The following CDKN2AIPNL variants were observed in gnomAD, a reference collection of about 807,000 sequenced individuals.
CDKN2AIPNL encodes XRN2 binding domain containing 1.
CDKN2AIPNL carries 9 observed loss-of-function variants against 12.9 expected under a neutral mutation model. The ratio of observed to expected loss-of-function variants is 0.70; its 90% CI spans 0.42 to 1.22. The LOEUF (loss-of-function observed/expected upper bound fraction) is 1.22. Among genes scored for constraint, CDKN2AIPNL ranks in the 50% most tolerant of loss-of-function variants. The pLI is 0.00. For synonymous variants in CDKN2AIPNL, 53 were observed against 61.7 expected, an observed-to-expected ratio of 0.86 and a Z score of 0.66; for missense variants, 143 against 153.6, an observed-to-expected ratio of 0.93 and a Z score of 0.37.
chr5:134,407,055 A>G (rs1759115836), intron 2 of CDKN2AIPNL, among the ~76,000 whole-genome samples: 1 of 152,210 alleles, frequency 6.6e-6, no homozygotes, highest in African/African-American at 2.4e-5. Flanking sequence ...GCCTCTATAT[A>G]GGCTTCTTCC....
chr5:134,407,135 ACTCTT>A (rs1488917372), intron 2 of CDKN2AIPNL, among the ~76,000 whole-genome samples: 1 of 151,900 alleles, frequency 6.6e-6, no homozygotes, highest in Non-Finnish European at 1.5e-5. Flanking sequence ...ATGCCTGAGG[ACTCTT>A]CTCTGTAGAC....
At chr5:134,405,401 A>C (rs1389788606) in intron 2 of CDKN2AIPNL, among the ~76,000 whole-genome samples, 1 of 150,664 alleles carries the variant, frequency 6.6e-6, no homozygotes, top group Non-Finnish European at 1.5e-5. Context: ...CACCGCGCCC[A>C]GCCCATTTTT....
chr5:134,409,348 TTC>T (rs1203763480), intron 2 of CDKN2AIPNL, among the ~76,000 whole-genome samples: 2 of 152,160 alleles, frequency 1.3e-5, no homozygotes, highest in African/African-American at 4.8e-5. Flanking sequence ...TATTCTGAGG[TTC>T]TTTCTGCCAC....
chr5:134,404,105 C>A (rs960890091), intron 2 of CDKN2AIPNL, among the ~76,000 whole-genome samples: 1 of 152,234 alleles, frequency 6.6e-6, no homozygotes, highest in African/African-American at 2.4e-5. Context: ...AAGCGTACAG[C>A]TGCCGCCGGT....
chr5:134,411,584 G>T, intron 1 of CDKN2AIPNL, 32 bp downstream of exon 1: 1 of 1,581,002 alleles, frequency 6.3e-7, no homozygotes, highest in Non-Finnish European at 8.7e-7. Flanking sequence ...GAAGATAGGG[G>T]ACAGGATCAG....
In CDKN2AIPNL at chr5:134,409,995, T is replaced by C; in HGVS notation, c.247A>G (p.Lys83Glu). 3 of 1,607,698 alleles carry C rather than the reference T, an allele frequency of 1.9e-6. No homozygotes were observed. Among genetic ancestry groups the C allele is most frequent in the Non-Finnish European group, 2.6e-6 (3 of 1,175,088 alleles). Reference protein sequence around the residue: ...NHLFLGCSYNKDLLDKVMEMA... With the variant: ...NHLFLGCSYNEDLLDKVMEMA... The stretch of plus-strand genomic sequence containing the variant: ...TCCATCACCTTGTCTAAAAGGTCTT[T>C]ATTGTAACTGCACAATAAAAAGTAG... Residue 83 changes from lysine to glutamate, a missense_variant, in exon 2 of 3, where the codon AAA becomes GAA. Coordinates refer to ENST00000458198, the MANE Select transcript of CDKN2AIPNL (RefSeq NM_080656.3).
chr5:134,405,295 C>T (rs1200005051), intron 2 of CDKN2AIPNL, among the ~76,000 whole-genome samples: 2 of 149,776 alleles, frequency 1.3e-5, no homozygotes, highest in African/African-American at 4.9e-5. Flanking sequence ...TTAGTAGAGA[C>T]GGGGTTTCAC....
In CDKN2AIPNL at chr5:134,409,567, G is replaced by C. The variant is rs117709175; in HGVS notation, c.339+336C>G. Among the ~76,000 whole-genome samples, 101 of 152,276 alleles carry C rather than the reference G, an allele frequency of 6.6e-4. No individual in the cohort carries two copies. The East Asian group carries it at 0.019, about 28-fold the overall frequency. ...GCACTCACACCTGGGGTAAGGATGA[G>C]TCTTACCAATGAGATTTTTTAACAA... is the stretch of plus-strand genomic sequence containing the variant. On this transcript the variant is annotated intron_variant, in intron 2 of 2. Transcript: ENST00000458198.
intron 2 of CDKN2AIPNL, among the ~76,000 whole-genome samples, chr5:134,404,750 C>T (rs2149696870): frequency 6.6e-6 from 1 of 152,232 alleles, no homozygotes; most frequent in South Asian, 2.1e-4. Context: ...TGCACAAAAG[C>T]AGGCACACTT....
chr5:134,410,835 T>G (rs1264561031), intron 1 of CDKN2AIPNL: 1 of 595,918 alleles, frequency 1.7e-6, no homozygotes, highest in Non-Finnish European at 3.0e-6. Context: ...TCAAACCAAG[T>G]CACCCTATTT....
Position 134,402,767 on chromosome 5 carries a change from A to G in CDKN2AIPNL, c.*148T>C. The G allele has an allele frequency of 3.4e-6, 2 of 595,668 alleles. No individual in the cohort carries two copies. The highest frequency in any genetic ancestry group is 2.9e-6 in the Non-Finnish European group (1 of 349,542). 36.9% of individuals were successfully genotyped at this position (595,668 alleles called of 1,614,324 possible). A position where few individuals can be genotyped will look rare whatever the true frequency, so the allele number is the denominator to read the frequency against. The stretch of plus-strand genomic sequence containing the variant: ...GAAAATGAGAATGTTAAAAAAGCCA[A>G]TCTAGACAGAGTCCTTCTCATTCCA... On this transcript the variant is annotated 3_prime_UTR_variant, in exon 3 of 3. Coordinates refer to ENST00000458198, the MANE Select transcript of CDKN2AIPNL (RefSeq NM_080656.3).
chr5:134,411,706 T>C lies in CDKN2AIPNL; in HGVS notation c.149A>G (p.Asp50Gly), dbSNP rs752505995. 1 of 1,613,182 alleles carries C rather than the reference T, an allele frequency of 6.2e-7. No individual in the cohort carries two copies. Among genetic ancestry groups the C allele is most frequent in the East Asian group, 2.2e-5 (1 of 44,852 alleles). ...ACTGCCGTCGGGCGGGTCGCGGTAG[T>C]CGGGCAGGTGGCGCAGGATGAATTC... The part of the protein sequence containing the change: ...RMEFILRHLP[D>G]YRDPPDGSGR... The change falls in exon 1 of 3, where the codon GAC becomes GGC. Residue 50 changes from aspartate (D) to glycine (G), a missense_variant. Asp to Gly is a moderately conservative substitution (Grantham distance 94). Transcript: ENST00000458198.
In CDKN2AIPNL at chr5:134,402,646, A is replaced by T; in HGVS notation, c.*269T>A. 2 of 337,896 alleles carry T rather than the reference A, an allele frequency of 5.9e-6. No homozygotes were observed. Among genetic ancestry groups the T allele is most frequent in the Non-Finnish European group, 5.3e-6 (1 of 187,836 alleles). The allele number at this position is 337,896 out of a possible 1,614,324, so 20.9% of individuals were successfully genotyped here. A position where few individuals can be genotyped will look rare whatever the true frequency, so the allele number is the denominator to read the frequency against. On this transcript the variant is annotated 3_prime_UTR_variant, in exon 3 of 3. Coordinates refer to ENST00000458198, the MANE Select transcript of CDKN2AIPNL (RefSeq NM_080656.3). ...AGAAAAAAAAAAACCTGAAAACAGA[A>T]AAGAGGGCTTTTACAATGTTGATGA...
intron 2 of CDKN2AIPNL, among the ~76,000 whole-genome samples, chr5:134,408,970 C>T (rs979064342): frequency 2.6e-5 from 4 of 152,168 alleles, no homozygotes; most frequent in African/African-American, 9.7e-5. Context: ...AAGAGGACCT[C>T]TATATGTGCC....
chr5:134,405,286 T>C (rs1195031409), intron 2 of CDKN2AIPNL, among the ~76,000 whole-genome samples: 2 of 150,874 alleles, frequency 1.3e-5, no homozygotes, highest in Non-Finnish European at 3.0e-5. Context: ...TTTGTATTTT[T>C]AGTAGAGACG....
intron 2 of CDKN2AIPNL, among the ~76,000 whole-genome samples, chr5:134,406,998 T>C (rs865999222): frequency 1.3e-5 from 2 of 152,212 alleles, no homozygotes; most frequent in African/African-American, 2.4e-5. Flanking sequence ...ATAAGTTTTA[T>C]TTGAAGGAAG....
At chr5:134,404,934 T>A (rs945692012) in intron 2 of CDKN2AIPNL, among the ~76,000 whole-genome samples, 6 of 151,488 alleles carry the variant, frequency 4.0e-5, no homozygotes, top group African/African-American at 1.2e-4. Flanking sequence ...TACAGGCAGG[T>A]ACTACCACGC....
chr5:134,409,252 T>C (rs1441145518), intron 2 of CDKN2AIPNL, among the ~76,000 whole-genome samples: 4 of 152,208 alleles, frequency 2.6e-5, no homozygotes, highest in African/African-American at 9.6e-5. Context: ...GAGCAATTAA[T>C]TCTGCTGCCT....
At chr5:134,404,926 C>T (rs889594427) in intron 2 of CDKN2AIPNL, among the ~76,000 whole-genome samples, 1 of 152,090 alleles carries the variant, frequency 6.6e-6, no homozygotes, top group African/African-American at 2.4e-5. Context: ...ACTGGGACTA[C>T]AGGCAGGTAC....
Sources: allele counts gnomAD v4.1 joint callset (sites outside exome capture counted in the v4.1 genomes callset), GRCh38; gene constraint gnomAD v4.1.1; transcripts MANE v1.5; gene names NCBI Gene and HGNC (gene_info 2026-07-23, HGNC 2026-07-21).